The following VPS33B variants were observed in gnomAD, a reference collection of about 807,000 sequenced individuals.
The protein encoded by VPS33B is vacuolar protein sorting-associated protein 33B.
Under a neutral mutation model 95.3 loss-of-function variants are expected in VPS33B, and 80 were observed. That is an observed-to-expected ratio of 0.84 (90% CI 0.70 to 1.01). The LOEUF is 1.01. VPS33B is among the 50% of genes least tolerant of loss of function. The pLI, the probability that VPS33B is intolerant of heterozygous loss-of-function variation, is 0.00. For missense variants in VPS33B, 715 were observed against 773.4 expected (o/e 0.92, Z 0.90); for synonymous variants, 280 against 280.4 (o/e 1.00, Z 0.01).
Position 91,022,421 on chromosome 15 carries a change from CAGGCAAGA to C in VPS33B, c.-180_-173del. The C allele has an allele frequency of 3.3e-6, 2 of 601,500 alleles. No individual in the cohort carries two copies. Among genetic ancestry groups the C allele is most frequent in the Non-Finnish European group, 5.8e-6 (2 of 345,982 alleles). The allele number at this position is 601,500 out of a possible 1,614,324, so 37.3% of individuals were successfully genotyped here. A position where few individuals can be genotyped will look rare whatever the true frequency, so the allele number is the denominator to read the frequency against. ...CACTCCAGGAATGAATGGCCACCTC[CAGGCAAGA>C]GAGCTACTACCTCGGAGCAGCCTTG... On this transcript the variant is annotated 5_prime_UTR_variant, in exon 1 of 23. Coordinates refer to ENST00000333371, the MANE Select transcript of VPS33B (RefSeq NM_018668.5).
chr15:91,008,053 G>T, intron 6 of VPS33B, 89 bp from the exon 7 acceptor site: 2 of 1,203,728 alleles, frequency 1.7e-6, no homozygotes, highest in South Asian at 1.2e-5. Context: ...TTGAGTGCGT[G>T]CAACAAATAT....
At position 91,001,655 on chromosome 15, in the gene VPS33B, C is replaced by T. The variant is rs141858645; in HGVS notation, c.1406-193G>A. On this transcript the variant is annotated intron_variant, in intron 18 of 22. Transcript: ENST00000333371. Reference sequence around the variant, plus strand: ...CCCACCCACAGTCTTCCCCCTCCTACGGGGTACCAGCTCTCTACTAAATGC... The same window carrying T: ...CCCACCCACAGTCTTCCCCCTCCTATGGGGTACCAGCTCTCTACTAAATGC... Among the ~76,000 whole-genome samples, 242 of 152,266 alleles carry T rather than the reference C, an allele frequency of 1.6e-3. 4 individuals are homozygous for T. The highest frequency in any genetic ancestry group is 0.011 in the Admixed American group (161 of 15,278).
intron 1 of VPS33B, among the ~76,000 whole-genome samples, chr15:91,021,925 T>C (rs1596375577): frequency 6.6e-6 from 1 of 152,306 alleles, no homozygotes; most frequent in East Asian, 1.9e-4. Context: ...CTGGCACTAA[T>C]GGTGTCTCCC....
rs570696327 is a variant in VPS33B at position 91,016,947 on chromosome 15, T to A, written c.239+16A>T. On this transcript the variant is annotated intron_variant, in intron 3 of 22. Coordinates refer to ENST00000333371, the MANE Select transcript of VPS33B (RefSeq NM_018668.5). Reference sequence around the variant, plus strand: ...CTTCCAGCTTGGAGTAGGGACAGACTCTCCCAGACACTCACTGTTCATTGG... The same window carrying A: ...CTTCCAGCTTGGAGTAGGGACAGACACTCCCAGACACTCACTGTTCATTGG... 4 of 1,613,590 alleles carry A rather than the reference T, an allele frequency of 2.5e-6. No individual in the cohort carries two copies. The highest frequency in any genetic ancestry group is 1.7e-5 in the Admixed American group (1 of 59,976).
intron 1 of VPS33B, among the ~76,000 whole-genome samples, chr15:91,020,322 G>A (rs577461433): frequency 6.6e-6 from 1 of 152,306 alleles, no homozygotes; most frequent in Admixed American, 6.5e-5. Flanking sequence ...TCAGGGTGAA[G>A]GAGAGGCAAA....
chr15:91,003,606 AT>A (rs2040508549), intron 16 of VPS33B, among the ~76,000 whole-genome samples: 1 of 151,954 alleles, frequency 6.6e-6, no homozygotes, highest in Non-Finnish European at 1.5e-5. Context: ...CACCTGGCTA[AT>A]TTTTGTATTT....
intron 2 of VPS33B, among the ~76,000 whole-genome samples, chr15:91,017,367 AATATAT>A (rs1159663715): frequency 0.032 from 498 of 15,656 alleles, 9 homozygotes; most frequent in Non-Finnish European, 0.048. Flanking sequence ...TACAAAATTA[AATATAT>A]ATATATATAT....
In VPS33B at chr15:91,013,514, G is replaced by A. The variant is rs1392096006; in HGVS notation, c.357+290C>T. On this transcript the variant is annotated intron_variant, in intron 5 of 22. Coordinates refer to ENST00000333371, the MANE Select transcript of VPS33B (RefSeq NM_018668.5). This position sits in a 1 kb window ranked among gnomAD's most constrained non-coding sequence, Gnocchi z 4.5. ...TGGCAGGAGTGGGTTGCTATAAGGC[G>A]AGTCCAGCCCCTGGGTGTCTCTTGG... Among the ~76,000 whole-genome samples, 1 of 152,130 alleles carries A rather than the reference G, an allele frequency of 6.6e-6. No individual in the cohort carries two copies. Among genetic ancestry groups the A allele is most frequent in the Non-Finnish European group, 1.5e-5 (1 of 68,004 alleles).
intron 3 of VPS33B, 114 bp from the exon 4 acceptor site, chr15:91,014,547 C>T (rs954611796): frequency 6.2e-6 from 7 of 1,132,156 alleles, no homozygotes; most frequent in Non-Finnish European, 6.6e-6. Flanking sequence ...AGGTCTCATC[C>T]TAGCCAAAGC....
chr15:91,007,777 G>T lies in VPS33B; in HGVS notation c.498+93C>A. The stretch of plus-strand genomic sequence containing the variant: ...CTATCACTTGTGATAAATTACTTGC[G>T]TTGGACAAAGGTTATATTGGTATTT... On this transcript the variant is annotated intron_variant, in intron 7 of 22. Coordinates refer to ENST00000333371, the MANE Select transcript of VPS33B (RefSeq NM_018668.5). The surrounding 1 kb of genome is among the most constrained non-coding windows in gnomAD (Gnocchi z 5.3). 1 of 1,317,546 alleles carries T rather than the reference G, an allele frequency of 7.6e-7. No homozygotes were observed. Among genetic ancestry groups the T allele is most frequent in the Admixed American group, 1.7e-5 (1 of 59,664 alleles). 81.6% of individuals were successfully genotyped at this position (1,317,546 alleles called of 1,614,324 possible).
In VPS33B at chr15:91,020,838, G is replaced by A. The variant is rs1867224; in HGVS notation, c.96+1316C>T. 1.4e-4 allele frequency among the ~76,000 whole-genome samples: 21 copies of A among 152,206 alleles called. 1 individual carries two copies. The highest frequency in any genetic ancestry group is 1.0e-3 in the Admixed American group (16 of 15,284). On this transcript the variant is annotated intron_variant, in intron 1 of 22. Transcript: ENST00000333371. ...GGAGGTTGCAGTTAGCCAAGATCGCGCCACTGCACTCCAGCCTGGGCAACG... is the reference window on the plus strand; with the variant it reads ...GGAGGTTGCAGTTAGCCAAGATCGCACCACTGCACTCCAGCCTGGGCAACG...
chr15:91,003,154 A>G, intron 16 of VPS33B, 23 bp from the exon 17 acceptor site: 1 of 1,614,026 alleles, frequency 6.2e-7, no homozygotes, highest in Non-Finnish European at 8.5e-7. Context: ...AAAATAAGAC[A>G]GGTGCATGAG....
In VPS33B at chr15:90,999,472, C is replaced by T. The variant is rs954500052; in HGVS notation, c.1774+205G>A. 9.3e-6 allele frequency: 6 copies of T among 646,610 alleles called. No homozygotes were observed. Among genetic ancestry groups the T allele is most frequent in the Middle Eastern group, 4.5e-4 (1 of 2,222 alleles). 40.1% of individuals were successfully genotyped at this position (646,610 alleles called of 1,614,324 possible). A position where few individuals can be genotyped will look rare whatever the true frequency, so the allele number is the denominator to read the frequency against. On this transcript the variant is annotated intron_variant, in intron 22 of 22. Transcript: ENST00000333371. This position sits in a 1 kb window ranked among gnomAD's most constrained non-coding sequence, Gnocchi z 5.1. ...TAGTTAGCATTACAGGCACCGGCCA[C>T]CATGCCTGGCTAATTTTTGTATTTT... is the stretch of plus-strand genomic sequence containing the variant.
At position 91,018,182 on chromosome 15, in the gene VPS33B, T is replaced by C; in HGVS notation, c.97-297A>G. 2.3e-6 allele frequency: 1 copy of C among 439,850 alleles called. No homozygotes were observed. The highest frequency in any genetic ancestry group is 4.2e-6 in the Non-Finnish European group (1 of 235,336). 27.2% of individuals were successfully genotyped at this position (439,850 alleles called of 1,614,324 possible). A position where few individuals can be genotyped will look rare whatever the true frequency, so the allele number is the denominator to read the frequency against. ...CCTGTGACCTTGGTCTGCACCTCAC[T>C]CCCCTTCTCTGCTGCCTCCTCCACT... On this transcript the variant is annotated intron_variant, in intron 1 of 22. Coordinates refer to ENST00000333371, the MANE Select transcript of VPS33B (RefSeq NM_018668.5). The surrounding 1 kb of genome is among the most constrained non-coding windows in gnomAD (Gnocchi z 4.7).
chr15:91,003,169 A>G (rs1428805932), intron 16 of VPS33B, 38 bp from the exon 17 acceptor site: 13 of 1,601,972 alleles, frequency 8.1e-6, no homozygotes, highest in African/African-American at 1.3e-5. Flanking sequence ...CATGAGAAAG[A>G]GGCCGGCAGA....
intron 16 of VPS33B, among the ~76,000 whole-genome samples, chr15:91,003,344 A>T (rs1415940883): frequency 6.6e-6 from 1 of 152,202 alleles, no homozygotes; most frequent in African/African-American, 2.4e-5. Flanking sequence ...TGTGAAACAT[A>T]AGGGTGCTGA....
rs1268189841 is a variant in VPS33B at position 91,005,840 on chromosome 15, C to T, written c.940-56G>A. On this transcript the variant is annotated intron_variant, in intron 12 of 22. Coordinates refer to ENST00000333371, the MANE Select transcript of VPS33B (RefSeq NM_018668.5). This position sits in a 1 kb window ranked among gnomAD's most constrained non-coding sequence, Gnocchi z 6.4. Reference sequence around the variant, plus strand: ...CAACCTCAGACACGAGAAACCACCACCCTCCCTCAGTTGCCATCCATCCAT... The same window carrying T: ...CAACCTCAGACACGAGAAACCACCATCCTCCCTCAGTTGCCATCCATCCAT... The T allele has an allele frequency of 6.2e-7, 1 of 1,611,032 alleles. No homozygotes were observed. Among genetic ancestry groups the T allele is most frequent in the Non-Finnish European group, 8.5e-7 (1 of 1,177,432 alleles).
At position 91,022,376 on chromosome 15, in the gene VPS33B, G is replaced by A; in HGVS notation, c.-127C>T. On this transcript the variant is annotated 5_prime_UTR_variant, in exon 1 of 23. Transcript: ENST00000333371. ...GCACCGACTTCCAGAGACCCCAGAT[G>A]GGCCCTCGCTCCTCAGCAGCACTCC... 3.4e-6 allele frequency: 3 copies of A among 875,448 alleles called. No individual in the cohort carries two copies. Among genetic ancestry groups the A allele is most frequent in the Non-Finnish European group, 5.2e-6 (3 of 580,844 alleles). The allele number at this position is 875,448 out of a possible 1,614,324, so 54.2% of individuals were successfully genotyped here.
At position 91,009,955 on chromosome 15, in the gene VPS33B, G is replaced by A. The variant is rs2040736334; in HGVS notation, c.358-109C>T. 1 of 1,255,364 alleles carries A rather than the reference G, an allele frequency of 8.0e-7. No individual in the cohort carries two copies. Among genetic ancestry groups the A allele is most frequent in the Admixed American group, 1.8e-5 (1 of 56,254 alleles). The allele number at this position is 1,255,364 out of a possible 1,614,324, so 77.8% of individuals were successfully genotyped here. A position where few individuals can be genotyped will look rare whatever the true frequency, so the allele number is the denominator to read the frequency against. ...GAGGACAATAATTGCCGAACCCAGT[G>A]AAAGACAAGAGAACCCAGACTCTTA... is the stretch of plus-strand genomic sequence containing the variant. On this transcript the variant is annotated intron_variant, in intron 5 of 22. Coordinates refer to ENST00000333371, the MANE Select transcript of VPS33B (RefSeq NM_018668.5). This position sits in a 1 kb window ranked among gnomAD's most constrained non-coding sequence, Gnocchi z 4.1.
Sources: allele counts gnomAD v4.1 joint callset (sites outside exome capture counted in the v4.1 genomes callset), GRCh38; gene constraint gnomAD v4.1.1; non-coding constraint Gnocchi (gnomAD v3.1); transcripts MANE v1.5; gene names NCBI Gene and HGNC (gene_info 2026-07-23, HGNC 2026-07-21).